The following ERBB4 variants were observed in gnomAD, a reference collection of about 807,000 sequenced individuals.
ERBB4 encodes erb-b2 receptor tyrosine kinase 4.
In ERBB4, 42 loss-of-function variants were observed where a neutral mutation model predicts 158.0. That is an observed-to-expected ratio of 0.27 (90% CI 0.21 to 0.34). The LOEUF is 0.34. Ranked by LOEUF, ERBB4 falls within the 10% of genes least tolerant of loss-of-function variation. The pLI is 1.00. For synonymous variants in ERBB4, 583 were observed against 558.7 expected (o/e 1.04, Z -0.61); for missense variants, 1,333 against 1,624.1 (o/e 0.82, Z 3.08).
chr2:212,413,443 C>T (rs976325377), intron 1 of ERBB4, among the ~76,000 whole-genome samples: 1 of 152,026 alleles, frequency 6.6e-6, no homozygotes, highest in Admixed American at 6.6e-5. Context: ...AAAATTTCTC[C>T]TCTGTTATAT....
intron 1 of ERBB4, among the ~76,000 whole-genome samples, chr2:212,275,744 C>A (rs564853636): frequency 6.6e-6 from 1 of 151,874 alleles, no homozygotes; most frequent in African/African-American, 2.4e-5. Context: ...TAAAGACCAT[C>A]GACACTATAA....
chr2:212,419,626 GTAATT>G (rs2091745948), intron 1 of ERBB4, among the ~76,000 whole-genome samples: 1 of 151,670 alleles, frequency 6.6e-6, no homozygotes, highest in South Asian at 2.1e-4. Flanking sequence ...CATTAATGTA[GTAATT>G]TAATTGATTC....
chr2:212,131,536 C>T (rs2080107493), intron 1 of ERBB4, among the ~76,000 whole-genome samples: 1 of 152,148 alleles, frequency 6.6e-6, no homozygotes, highest in South Asian at 2.1e-4. Flanking sequence ...TTGGAAGTGA[C>T]TGCCGTGCAG....
intron 1 of ERBB4, among the ~76,000 whole-genome samples, chr2:212,480,274 T>C (rs569250546): frequency 1.1e-4 from 16 of 152,070 alleles, no homozygotes; most frequent in Non-Finnish European, 2.1e-4. Context: ...ATGTATACTA[T>C]CAAGTACACT....
intron 1 of ERBB4, among the ~76,000 whole-genome samples, chr2:212,470,259 A>G (rs1341157916): frequency 6.6e-6 from 1 of 152,120 alleles, no homozygotes; most frequent in Non-Finnish European, 1.5e-5. Flanking sequence ...CAACACATCT[A>G]TCTGGAAAAT....
At chr2:211,457,025 T>C (rs959361302) in intron 20 of ERBB4, among the ~76,000 whole-genome samples, 7 of 152,234 alleles carry the variant, frequency 4.6e-5, no homozygotes, top group African/African-American at 9.6e-5. Context: ...GAAGCACTTA[T>C]AAATATACAA....
chr2:211,568,252 G>A (rs932053715), intron 19 of ERBB4, among the ~76,000 whole-genome samples: 4 of 151,608 alleles, frequency 2.6e-5, no homozygotes, highest in Admixed American at 2.6e-4. Context: ...TTATAATGAA[G>A]TCTGGTGTAA....
At chr2:212,255,615 T>G (rs1302481825) in intron 1 of ERBB4, among the ~76,000 whole-genome samples, 2 of 152,194 alleles carry the variant, frequency 1.3e-5, no homozygotes, top group Admixed American at 1.3e-4. Context: ...TGTGTTTTTT[T>G]TAAATATTTG....
intron 1 of ERBB4, among the ~76,000 whole-genome samples, chr2:212,241,115 T>A (rs2084087022): frequency 1.3e-5 from 2 of 152,060 alleles, no homozygotes; most frequent in Admixed American, 1.3e-4. Context: ...TTCAGGGCTA[T>A]GCATACTGCC....
intron 2 of ERBB4, among the ~76,000 whole-genome samples, chr2:212,042,857 T>C (rs540912479): frequency 2.0e-5 from 3 of 152,318 alleles, no homozygotes; most frequent in Admixed American, 1.3e-4. Flanking sequence ...GTCTATATTT[T>C]ATAAGAGAAC....
At chr2:212,475,183 C>T (rs1333521357) in intron 1 of ERBB4, among the ~76,000 whole-genome samples, 5 of 152,112 alleles carry the variant, frequency 3.3e-5, no homozygotes, top group Non-Finnish European at 5.9e-5. Flanking sequence ...CTAGCTATGC[C>T]AGCTTTATAG....
At chr2:211,598,370 C>T (rs890890998) in intron 19 of ERBB4, among the ~76,000 whole-genome samples, 13 of 152,110 alleles carry the variant, frequency 8.5e-5, no homozygotes, top group South Asian at 2.1e-4. Flanking sequence ...TCTACAATGT[C>T]GTGCTGGGCT....
intron 27 of ERBB4, among the ~76,000 whole-genome samples, chr2:211,385,865 A>G (rs146013488): frequency 2.6e-5 from 4 of 152,318 alleles, no homozygotes; most frequent in Non-Finnish European, 4.4e-5. Flanking sequence ...AGTCTTCACA[A>G]CGTCTACATT....
rs142251489 is a variant in ERBB4, at chr2:212,170,152, T to C, written c.83-45249A>G. 7.5e-3 allele frequency among the ~76,000 whole-genome samples: 1,137 copies of C among 152,204 alleles called. 8 individuals are homozygous for C. The highest frequency in any genetic ancestry group is 0.014 in the Non-Finnish European group (920 of 67,986). On this transcript the variant is annotated intron_variant, in intron 1 of 27. Transcript: ENST00000342788. ...AACTTCATAGAGACTTGTTGAATGGTTTTTGGCCAAAATGCTGACAATGAT... is the reference window on the plus strand; with the variant it reads ...AACTTCATAGAGACTTGTTGAATGGCTTTTGGCCAAAATGCTGACAATGAT...
intron 5 of ERBB4, among the ~76,000 whole-genome samples, chr2:211,743,358 G>A (rs2074855522): frequency 6.6e-6 from 1 of 152,062 alleles, no homozygotes; most frequent in Non-Finnish European, 1.5e-5. Flanking sequence ...AAAATGCAGT[G>A]ACTGAGATAA....
At chr2:211,452,163 C>T (rs2064262030) in intron 20 of ERBB4, among the ~76,000 whole-genome samples, 1 of 149,624 alleles carries the variant, frequency 6.7e-6, no homozygotes, top group South Asian at 2.1e-4. Flanking sequence ...TCAGATAATA[C>T]ATTTGTAATA....
In ERBB4 at chr2:211,420,496, G is replaced by C; in HGVS notation, c.3080C>G (p.Ala1027Gly). 1 of 1,612,632 alleles carries C rather than the reference G, an allele frequency of 6.2e-7. No individual in the cohort carries two copies. The highest frequency in any genetic ancestry group is 8.5e-7 in the Non-Finnish European group (1 of 1,178,988). Residue 1027 changes from alanine (A) to glycine (G), a missense_variant, in exon 25 of 28, where the codon GCT (alanine) becomes GGT (glycine). Transcript: ENST00000342788. ...ATAGATGGGAGGTGGGATGTTGAAA[G>C]CCTGAGGGACCAAGTACTCCTCAGC... is the stretch of plus-strand genomic sequence containing the variant. Reference protein sequence around the residue: ...MDAEEYLVPQAFNIPPPIYTS... With the variant: ...MDAEEYLVPQGFNIPPPIYTS...
chr2:211,493,675 A>ATATAT (rs58719926), intron 20 of ERBB4, among the ~76,000 whole-genome samples: 53,407 of 151,466 alleles, frequency 0.35, 10,165 homozygotes, highest in African/African-American at 0.5. Flanking sequence ...GATTTGAAAT[A>ATATAT]TATATTTTTT....
chr2:212,011,472 T>G (rs1013067559), intron 2 of ERBB4, among the ~76,000 whole-genome samples: 10 of 152,114 alleles, frequency 6.6e-5, no homozygotes, highest in Non-Finnish European at 1.5e-4. Context: ...GCATTTCAGC[T>G]AGGTGCAGTG....
Sources: gnomAD v4.1 joint callset for allele counts (sites outside exome capture counted in the v4.1 genomes callset) on GRCh38, gnomAD v4.1.1 for gene constraint, MANE v1.5 for transcripts, NCBI Gene and HGNC (gene_info 2026-07-23, HGNC 2026-07-21) for gene names.